GABRB1: variants seen among roughly 807,000 people sequenced by gnomAD.
GABRB1 encodes gamma-aminobutyric acid type A receptor subunit beta1.
A neutral mutation model predicts 51.6 loss-of-function variants in GABRB1; 17 were observed. The ratio of observed to expected loss-of-function variants is 0.33; its 90% CI spans 0.23 to 0.49. The LOEUF is 0.49. Ranked by LOEUF, GABRB1 falls within the 20% of genes least tolerant of loss-of-function variation. The pLI is 0.99. For missense variants in GABRB1, 410 were observed against 600.6 expected, an observed-to-expected ratio of 0.68 and a Z score of 3.32; for synonymous variants, 247 against 218.9, an observed-to-expected ratio of 1.13 and a Z score of -1.14.
At chr4:47,196,939 T>C (rs947804845) in intron 4 of GABRB1, among the ~76,000 whole-genome samples, 2 of 152,206 alleles carry the variant, frequency 1.3e-5, no homozygotes, top group African/African-American at 4.8e-5. Flanking sequence ...TGCTCAAAAT[T>C]CCTTCTTACT....
intron 5 of GABRB1, among the ~76,000 whole-genome samples, chr4:47,355,841 T>A (rs1340805637): frequency 6.6e-6 from 1 of 152,196 alleles, no homozygotes; most frequent in Non-Finnish European, 1.5e-5. Context: ...CCTGAGAGGC[T>A]GTAGAACAGG....
intron 8 of GABRB1, among the ~76,000 whole-genome samples, chr4:47,420,583 A>AT (rs1729061943): frequency 6.6e-6 from 1 of 152,150 alleles, no homozygotes; most frequent in South Asian, 2.1e-4. Context: ...ATATTTTGAT[A>AT]TTTCTTTATT....
intron 4 of GABRB1, among the ~76,000 whole-genome samples, chr4:47,260,912 T>C (rs937733071): frequency 1.3e-5 from 2 of 152,140 alleles, no homozygotes; most frequent in South Asian, 2.1e-4. Context: ...AATCAATAAA[T>C]GTAATCCAGC....
At chr4:47,238,312 C>T (rs773351987) in intron 4 of GABRB1, among the ~76,000 whole-genome samples, 3 of 151,982 alleles carry the variant, frequency 2.0e-5, no homozygotes, top group Non-Finnish European at 4.4e-5. Context: ...GCTTAATATC[C>T]TTTTTTTAAA....
chr4:47,419,061 T>G (rs1370441827), intron 8 of GABRB1, among the ~76,000 whole-genome samples: 1 of 152,224 alleles, frequency 6.6e-6, no homozygotes, highest in Non-Finnish European at 1.5e-5. Flanking sequence ...TTACCTGATT[T>G]TTTTAAAAAC....
chr4:47,020,076 G>T (rs190273408), intron 1 of GABRB1, among the ~76,000 whole-genome samples: 1 of 152,000 alleles, frequency 6.6e-6, no homozygotes, highest in African/African-American at 2.4e-5. Flanking sequence ...ATGAGCCACT[G>T]TGCCCAGCCA....
chr4:47,386,866 C>G (rs1453578057), intron 5 of GABRB1, among the ~76,000 whole-genome samples: 1 of 152,150 alleles, frequency 6.6e-6, no homozygotes, highest in African/African-American at 2.4e-5. Context: ...ATAAGTCTAA[C>G]AGACCTTACT....
intron 4 of GABRB1, among the ~76,000 whole-genome samples, chr4:47,269,124 G>A (rs1000270024): frequency 1.3e-5 from 2 of 152,104 alleles, no homozygotes; most frequent in Non-Finnish European, 2.9e-5. Context: ...ATGATGTTCA[G>A]GTTGATTTCT....
chr4:47,389,533 G>T (rs1047884331), intron 5 of GABRB1, among the ~76,000 whole-genome samples: 3 of 152,262 alleles, frequency 2.0e-5, no homozygotes, highest in Middle Eastern at 3.4e-3. Flanking sequence ...TTCAAACAGT[G>T]GGTTATCAGG....
chr4:47,268,491 A>G (rs1349266249), intron 4 of GABRB1, among the ~76,000 whole-genome samples: 1 of 152,166 alleles, frequency 6.6e-6, no homozygotes, highest in Non-Finnish European at 1.5e-5. Context: ...TGCATGTATT[A>G]CATCATTAAA....
At position 47,406,821 on chromosome 4, in the gene GABRB1, C is replaced by T. The variant is rs6290; in HGVS notation, c.975C>T (p.Ala325=). 0.083 allele frequency: 134,236 copies of T among 1,613,950 alleles called. 6,517 individuals are homozygous for T. The highest frequency in any genetic ancestry group is 0.17 in the African/African-American group (12,772 of 74,958). ...VFVFLALLEY[A]FVNYIFFGKG... ...TGTTCCTGGCTCTGCTGGAGTATGC[C>T]TTTGTAAATTACATCTTCTTTGGGA... Residue 325 remains alanine, a synonymous_variant, in exon 8 of 9, where the codon GCC becomes GCT. Coordinates refer to ENST00000295454, the MANE Select transcript of GABRB1 (RefSeq NM_000812.4).
At chr4:47,359,016 T>C (rs934031316) in intron 5 of GABRB1, among the ~76,000 whole-genome samples, 6 of 152,204 alleles carry the variant, frequency 3.9e-5, no homozygotes, top group Non-Finnish European at 8.8e-5. Flanking sequence ...CCCAACTACA[T>C]AGAAATTTTA....
upstream of GABRB1, chr4:47,031,452 C>T (rs1725291776): frequency 3.4e-6 from 2 of 592,616 alleles, no homozygotes; most frequent in South Asian, 2.0e-5. Context: ...ACATGGAGCA[C>T]CCCAAATAGG....
chr4:47,393,924 T>G (rs1460884618), intron 5 of GABRB1, among the ~76,000 whole-genome samples: 1 of 152,244 alleles, frequency 6.6e-6, no homozygotes, highest in Non-Finnish European at 1.5e-5. Context: ...GTCAAGTATA[T>G]TTTCCATTGA....
At chr4:47,369,495 A>G (rs563517061) in intron 5 of GABRB1, among the ~76,000 whole-genome samples, 2 of 152,208 alleles carry the variant, frequency 1.3e-5, no homozygotes, top group African/African-American at 4.8e-5. Context: ...TTCCTCCGTC[A>G]AATTTATATT....
intron 1 of GABRB1, among the ~76,000 whole-genome samples, chr4:47,009,526 A>G (rs1210408515): frequency 2.0e-5 from 3 of 152,176 alleles, no homozygotes; most frequent in African/African-American, 7.2e-5. Flanking sequence ...TTTTTTTAAG[A>G]AGAAAAAAAT....
At position 47,335,457 on chromosome 4, in the gene GABRB1, T is replaced by C. The variant is rs373481375; in HGVS notation, c.544+15248T>C. Among the ~76,000 whole-genome samples, 4 of 152,244 alleles carry C rather than the reference T, an allele frequency of 2.6e-5. No homozygotes were observed. The East Asian group carries it at 5.8e-4, about 22-fold the overall frequency. ...CCCCAACAAATGCAAGATGATACTC[T>C]CCCTGTTGTCCATCTGATTATTTCC... On this transcript the variant is annotated intron_variant, in intron 5 of 8. Coordinates refer to ENST00000295454, the MANE Select transcript of GABRB1 (RefSeq NM_000812.4).
chr4:47,395,481 C>T (rs1442780614), intron 5 of GABRB1, among the ~76,000 whole-genome samples: 4 of 152,142 alleles, frequency 2.6e-5, no homozygotes, highest in Admixed American at 6.5e-5. Flanking sequence ...TCCTCCCACA[C>T]GTGGTGATTA....
intron 3 of GABRB1, among the ~76,000 whole-genome samples, chr4:47,156,693 G>A (rs1370156696): frequency 6.6e-6 from 1 of 151,906 alleles, no homozygotes; most frequent in African/African-American, 2.4e-5. Context: ...TTGGGGACAG[G>A]CGCAGTGGCT....
Sources: gnomAD v4.1 joint callset for allele counts (sites outside exome capture counted in the v4.1 genomes callset) on GRCh38, gnomAD v4.1.1 for gene constraint, MANE v1.5 for transcripts, NCBI Gene and HGNC (gene_info 2026-07-23, HGNC 2026-07-21) for gene names.